Variants in ME3 observed in about 807,000 individuals in gnomAD.
The protein encoded by ME3 is malic enzyme 3.
In ME3, 48 loss-of-function variants were observed where a neutral mutation model predicts 68.9. The ratio of observed to expected loss-of-function variants is 0.70; its 90% CI spans 0.55 to 0.89. The LOEUF (loss-of-function observed/expected upper bound fraction) is 0.89, where lower values mean the gene tolerates loss of function less well. Ranked by LOEUF, ME3 falls within the 40% of genes least tolerant of loss-of-function variation. The pLI is 0.00. For missense variants in ME3, 675 were observed against 797.4 expected (o/e 0.85, Z 1.85); for synonymous variants, 320 against 318.8 (o/e 1.00, Z -0.04).
intron 8 of ME3, among the ~76,000 whole-genome samples, chr11:86,456,401 T>G (rs947341752): frequency 1.5e-4 from 23 of 152,210 alleles, no homozygotes; most frequent in African/African-American, 5.3e-4. Flanking sequence ...ATAACTGGGC[T>G]TCCTCACAGA....
chr11:86,526,533 C>G (rs1954760038), intron 4 of ME3, among the ~76,000 whole-genome samples: 1 of 152,226 alleles, frequency 6.6e-6, no homozygotes, highest in South Asian at 2.1e-4. Context: ...GTTCTCCCAG[C>G]ACACAGCTTA....
chr11:86,473,770 A>G (rs1006626688), intron 7 of ME3, among the ~76,000 whole-genome samples: 1 of 152,226 alleles, frequency 6.6e-6, no homozygotes, highest in Non-Finnish European at 1.5e-5. Flanking sequence ...CAGGGAATCT[A>G]TACCATGGGT....
At chr11:86,581,983 C>G (rs1222819756) in intron 2 of ME3, among the ~76,000 whole-genome samples, 2 of 152,244 alleles carry the variant, frequency 1.3e-5, no homozygotes, top group African/African-American at 4.8e-5. Flanking sequence ...AGTCTTCACT[C>G]CTACTGTTCT....
chr11:86,671,930 C>T, exon 2 of ME3: 1 of 1,432,244 alleles, frequency 7.0e-7, no homozygotes, highest in South Asian at 1.5e-5. Context: ...TGCCTGTCCC[C>T]AGCGCGGCAC....
chr11:86,519,879 A>T lies in ME3; in HGVS notation c.468-11012T>A, dbSNP rs184216381. On this transcript the variant is annotated intron_variant, in intron 4 of 14. Transcript: ENST00000543262. The stretch of plus-strand genomic sequence containing the variant: ...CATGCCTTGGAAGAGCTTTAAAATC[A>T]CACTTTCCACTGCTTTCTGTGGAAC... Among the ~76,000 whole-genome samples, 16 of 152,328 alleles carry T rather than the reference A, an allele frequency of 1.1e-4. No individual in the cohort carries two copies. In the East Asian group the frequency reaches 2.9e-3, roughly 28 times the overall value.
chr11:86,474,784 C>G (rs563569412), intron 7 of ME3, among the ~76,000 whole-genome samples: 1 of 152,282 alleles, frequency 6.6e-6, no homozygotes, highest in African/African-American at 2.4e-5. Context: ...ACCTTATGCC[C>G]TTTATCAACC....
At chr11:86,627,766 A>G (rs890006386) in intron 2 of ME3, among the ~76,000 whole-genome samples, 4 of 152,202 alleles carry the variant, frequency 2.6e-5, no homozygotes, top group African/African-American at 9.6e-5. Flanking sequence ...TTTAATGTCC[A>G]GCAGAAGCCT....
intron 6 of ME3, among the ~76,000 whole-genome samples, chr11:86,488,821 A>T (rs1463645865): frequency 6.6e-6 from 1 of 152,216 alleles, no homozygotes; most frequent in Non-Finnish European, 1.5e-5. Flanking sequence ...GAGTAAACAG[A>T]CACATTATAC....
At chr11:86,470,185 C>T (rs1950707602) in intron 7 of ME3, among the ~76,000 whole-genome samples, 1 of 152,158 alleles carries the variant, frequency 6.6e-6, no homozygotes, top group Non-Finnish European at 1.5e-5. Flanking sequence ...CTCTTTCAAG[C>T]CTGAACAAAC....
chr11:86,458,640 G>A (rs189894986), intron 8 of ME3, among the ~76,000 whole-genome samples: 3 of 152,246 alleles, frequency 2.0e-5, no homozygotes, highest in Admixed American at 2.0e-4. Context: ...AAGGCTTTGG[G>A]AACAGAGGAG....
chr11:86,550,575 G>A (rs576079355), intron 4 of ME3, among the ~76,000 whole-genome samples: 2 of 152,206 alleles, frequency 1.3e-5, no homozygotes, highest in East Asian at 3.8e-4. Flanking sequence ...TGAAAGTTTC[G>A]CAGCAGAGTC....
At position 86,560,678 on chromosome 11, in the gene ME3, A is replaced by G. The variant is rs1957160536; in HGVS notation, c.184-855T>C. Among the ~76,000 whole-genome samples, 5 of 150,102 alleles carry G rather than the reference A, an allele frequency of 3.3e-5. No homozygotes were observed. The South Asian group carries it at 1.1e-3, about 32-fold the overall frequency. On this transcript the variant is annotated intron_variant, in intron 2 of 14. Coordinates refer to ENST00000543262, the Ensembl canonical transcript of ME3. ...AAAGTTTTTATCTAACTGTATATAG[A>G]TAGATAAATATATGTATATAATGAT...
At chr11:86,521,388 C>CCAT (rs1954269390) in intron 4 of ME3, among the ~76,000 whole-genome samples, 1 of 130,246 alleles carries the variant, frequency 7.7e-6, no homozygotes, top group Admixed American at 7.7e-5. Flanking sequence ...GAGCGAGACT[C>CCAT]CATCTCAAAA....
rs2138604089 is a variant in ME3, at chr11:86,447,055, C to T, written c.1380+10G>A. The T allele has an allele frequency of 6.2e-7, 1 of 1,612,790 alleles. No homozygotes were observed. The highest frequency in any genetic ancestry group is 8.5e-7 in the Non-Finnish European group (1 of 1,179,320). On this transcript the variant is annotated intron_variant, in intron 12 of 14. Coordinates refer to ENST00000543262, the Ensembl canonical transcript of ME3. ...CTCTCAGCCGGGGGAAGGAAGGACT[C>T]CCCGCTGACCTCGGTGACCCGGTAG... is the stretch of plus-strand genomic sequence containing the variant.
intron 2 of ME3, among the ~76,000 whole-genome samples, chr11:86,567,279 G>GAAGC (rs1348729051): frequency 1.4e-5 from 2 of 147,520 alleles, no homozygotes; most frequent in South Asian, 4.3e-4. Context: ...AGGAAGGAAG[G>GAAGC]GAGGAAAAGA....
chr11:86,485,677 T>C (rs887913935), intron 7 of ME3, among the ~76,000 whole-genome samples: 1 of 152,160 alleles, frequency 6.6e-6, no homozygotes, highest in African/African-American at 2.4e-5. Context: ...TACCACGTCC[T>C]CCCATTCTCT....
intron 8 of ME3, among the ~76,000 whole-genome samples, chr11:86,454,527 T>G (rs1004015078): frequency 1.1e-4 from 16 of 152,256 alleles, no homozygotes; most frequent in African/African-American, 3.9e-4. Context: ...AGCTAGTCAC[T>G]AACATCAGAT....
intron 5 of ME3, among the ~76,000 whole-genome samples, chr11:86,506,114 G>A (rs1357199807): frequency 6.6e-6 from 1 of 152,168 alleles, no homozygotes; most frequent in African/African-American, 2.4e-5. Flanking sequence ...ATGGTTGAAT[G>A]CAACTGAATT....
At chr11:86,439,915 G>A (rs369437970), downstream of ME3, among the ~76,000 whole-genome samples, 14 of 152,266 alleles carry the variant, frequency 9.2e-5, no homozygotes, top group Admixed American at 4.6e-4. Context: ...ACTCTCTTCT[G>A]AATAGTTTTT....
Sources: allele counts gnomAD v4.1 joint callset (sites outside exome capture counted in the v4.1 genomes callset), GRCh38; gene constraint gnomAD v4.1.1; transcripts MANE v1.5; gene names NCBI Gene and HGNC (gene_info 2026-07-23, HGNC 2026-07-21).